CNTN5: variants seen among roughly 807,000 people sequenced by gnomAD.
CNTN5 encodes the protein contactin-5.
In CNTN5, 77 loss-of-function variants were observed where a neutral mutation model predicts 129.1. That is an observed-to-expected ratio of 0.60 (90% CI 0.50 to 0.72). The LOEUF is 0.72. Among genes scored for constraint, CNTN5 ranks in the 30% least tolerant of loss-of-function variants. The probability of loss-of-function intolerance (pLI) is 0.00; values close to 1 mark genes in which losing one functional copy is unlikely to be tolerated. For synonymous variants in CNTN5, 509 were observed against 465.6 expected, an observed-to-expected ratio of 1.09 and a Z score of -1.20; for missense variants, 1,478 against 1,328.8, an observed-to-expected ratio of 1.11 and a Z score of -1.75.
At chr11:99,288,386 T>C (rs1227091192) in intron 1 of CNTN5, among the ~76,000 whole-genome samples, 3 of 151,956 alleles carry the variant, frequency 2.0e-5, no homozygotes, top group Non-Finnish European at 4.4e-5. Context: ...TGTAATTTTA[T>C]TGGGATGTTA....
chr11:99,184,283 G>A (rs1386920419), intron 1 of CNTN5, among the ~76,000 whole-genome samples: 2 of 151,926 alleles, frequency 1.3e-5, no homozygotes, highest in African/African-American at 4.8e-5. Flanking sequence ...ATTATACTAT[G>A]TCTCTACTTA....
chr11:99,143,216 C>T (rs1435862704), intron 1 of CNTN5, among the ~76,000 whole-genome samples: 1 of 151,414 alleles, frequency 6.6e-6, no homozygotes, highest in Non-Finnish European at 1.5e-5. Context: ...AGCTGTAAAA[C>T]ACTCTACATA....
chr11:99,259,455 A>G (rs1862530047), intron 1 of CNTN5, among the ~76,000 whole-genome samples: 2 of 151,886 alleles, frequency 1.3e-5, no homozygotes, highest in Admixed American at 1.3e-4. Context: ...ACTCAATGAC[A>G]TTTATCTGCA....
chr11:99,716,317 A>C (rs2134993735), intron 3 of CNTN5, among the ~76,000 whole-genome samples: 1 of 152,200 alleles, frequency 6.6e-6, no homozygotes, highest in Admixed American at 6.6e-5. Flanking sequence ...TCGGCATGTT[A>C]AATCGATGAC....
At chr11:99,859,134 T>C (rs1948130536) in intron 6 of CNTN5, among the ~76,000 whole-genome samples, 1 of 152,212 alleles carries the variant, frequency 6.6e-6, no homozygotes, top group African/African-American at 2.4e-5. Context: ...TGTTTGTAGA[T>C]GTTATGCATG....
chr11:99,298,866 C>T (rs1001993988), intron 1 of CNTN5, among the ~76,000 whole-genome samples: 6 of 152,048 alleles, frequency 3.9e-5, no homozygotes, highest in Non-Finnish European at 7.4e-5. Context: ...GGTAACTTCC[C>T]CTCCAACCAG....
At chr11:100,068,627 T>C (rs1262457245) in intron 10 of CNTN5, among the ~76,000 whole-genome samples, 1 of 152,194 alleles carries the variant, frequency 6.6e-6, no homozygotes, top group East Asian at 1.9e-4. Context: ...ATCAGCATTT[T>C]AGCATATATG....
At chr11:100,163,754 T>G (rs1947532625) in intron 13 of CNTN5, among the ~76,000 whole-genome samples, 1 of 151,812 alleles carries the variant, frequency 6.6e-6, no homozygotes, top group African/African-American at 2.4e-5. Flanking sequence ...TCTGATTTAG[T>G]TTTCTCTGTT....
At chr11:100,229,174 C>T (rs1265590370) in intron 16 of CNTN5, among the ~76,000 whole-genome samples, 2 of 151,090 alleles carry the variant, frequency 1.3e-5, no homozygotes, top group East Asian at 2.0e-4. Flanking sequence ...TCAAAGCCTA[C>T]ATCAGCAGTT....
chr11:99,183,453 T>C (rs1335180827), intron 1 of CNTN5, among the ~76,000 whole-genome samples: 1 of 152,138 alleles, frequency 6.6e-6, no homozygotes, highest in Non-Finnish European at 1.5e-5. Context: ...TTTCAGTCTG[T>C]AGGCAACTCA....
intron 1 of CNTN5, among the ~76,000 whole-genome samples, chr11:99,031,652 C>T (rs1174709895): frequency 1.3e-5 from 2 of 151,682 alleles, no homozygotes; most frequent in South Asian, 4.2e-4. Context: ...ACCAAACAAA[C>T]CTGGAATTGA....
chr11:100,013,817 G>C (rs1940667758), intron 9 of CNTN5, among the ~76,000 whole-genome samples: 1 of 152,058 alleles, frequency 6.6e-6, no homozygotes, highest in South Asian at 2.1e-4. Flanking sequence ...CAATAAACTT[G>C]CTTGAATATC....
chr11:99,155,656 TAA>T lies in CNTN5; in HGVS notation c.-210+134396_-210+134397del, dbSNP rs538026440. Among the ~76,000 whole-genome samples the T allele has an allele frequency of 2.0e-5, 3 of 146,678 alleles. No individual in the cohort carries two copies. The East Asian group carries it at 5.9e-4, about 29-fold the overall frequency. On this transcript the variant is annotated intron_variant, in intron 1 of 24. Transcript: ENST00000524871. ...GTTGCTAGGCTGGCATCATTTAACT[TAA>T]AAAAAAAAACTAGTAAGTGAAGCCC...
At chr11:99,544,295 A>G (rs2135504537) in intron 2 of CNTN5, among the ~76,000 whole-genome samples, 1 of 152,328 alleles carries the variant, frequency 6.6e-6, no homozygotes, top group African/African-American at 2.4e-5. Flanking sequence ...CCCGACTTCC[A>G]ACACTGCGAA....
chr11:99,686,072 A>G (rs769018835), intron 3 of CNTN5, among the ~76,000 whole-genome samples: 2 of 151,988 alleles, frequency 1.3e-5, no homozygotes, highest in African/African-American at 2.4e-5. Context: ...ATGTTGGAAC[A>G]CTTTTCCATT....
chr11:99,677,357 T>C (rs1953335074), intron 3 of CNTN5, among the ~76,000 whole-genome samples: 1 of 152,176 alleles, frequency 6.6e-6, no homozygotes, highest in Non-Finnish European at 1.5e-5. Context: ...GAGATAATGT[T>C]TGTCCTTGTC....
At chr11:100,260,448 G>A (rs1425145424) in intron 17 of CNTN5, among the ~76,000 whole-genome samples, 2 of 152,100 alleles carry the variant, frequency 1.3e-5, no homozygotes, top group African/African-American at 2.4e-5. Context: ...CATTTTAAGA[G>A]GCCAACATCA....
chr11:99,145,020 A>C (rs1277023810), intron 1 of CNTN5, among the ~76,000 whole-genome samples: 1 of 152,092 alleles, frequency 6.6e-6, no homozygotes, highest in Non-Finnish European at 1.5e-5. Context: ...CACATCCAGC[A>C]TAACAGTTAT....
At chr11:100,221,720 G>C (rs746825917) in intron 15 of CNTN5, among the ~76,000 whole-genome samples, 57 of 152,128 alleles carry the variant, frequency 3.7e-4, no homozygotes, top group Admixed American at 1.3e-3. Flanking sequence ...GCAAGGTTTC[G>C]GCGTGTTGTG....
Sources: allele counts gnomAD v4.1 joint callset (sites outside exome capture counted in the v4.1 genomes callset), GRCh38; gene constraint gnomAD v4.1.1; transcripts MANE v1.5; gene names NCBI Gene and HGNC (gene_info 2026-07-23, HGNC 2026-07-21).